The following RPIA variants were observed in gnomAD, a reference collection of about 807,000 sequenced individuals.
RPIA encodes the protein ribose-5-phosphate isomerase.
A neutral mutation model predicts 37.8 loss-of-function variants in RPIA; 29 were observed. The observed-to-expected ratio is 0.77, with a 90% CI of 0.57 to 1.05. The LOEUF (loss-of-function observed/expected upper bound fraction) is 1.05. Among genes scored for constraint, RPIA ranks in the 50% least tolerant of loss-of-function variants. RPIA has a pLI of 0.00. For missense variants in RPIA, 385 were observed against 413.6 expected (o/e 0.93, Z 0.60); for synonymous variants, 167 against 157.0 (o/e 1.06, Z -0.48).
At chr2:88,709,443 G>T (rs961975909) in intron 3 of RPIA, among the ~76,000 whole-genome samples, 5 of 152,160 alleles carry the variant, frequency 3.3e-5, no homozygotes, top group African/African-American at 1.2e-4. Context: ...AGGCTGTCCT[G>T]GATTATGTTT....
At chr2:88,706,286 G>A (rs548095499) in intron 3 of RPIA, among the ~76,000 whole-genome samples, 3 of 151,932 alleles carry the variant, frequency 2.0e-5, no homozygotes, top group Non-Finnish European at 2.9e-5. Context: ...TCATAATATC[G>A]AAGACATGGA....
chr2:88,716,669 G>A (rs904860603), intron 3 of RPIA, among the ~76,000 whole-genome samples: 4 of 152,152 alleles, frequency 2.6e-5, no homozygotes, highest in African/African-American at 9.7e-5. Context: ...AAATTCACTT[G>A]TTCAGGTTAC....
chr2:88,707,694 A>G (rs946756276), intron 3 of RPIA, among the ~76,000 whole-genome samples: 1 of 152,098 alleles, frequency 6.6e-6, no homozygotes, highest in Non-Finnish European at 1.5e-5. Flanking sequence ...AAGGTCCCTG[A>G]CTCCTAGGAC....
At chr2:88,692,412 A>G (rs927046016) in intron 1 of RPIA, among the ~76,000 whole-genome samples, 3 of 152,024 alleles carry the variant, frequency 2.0e-5, no homozygotes, top group African/African-American at 7.3e-5. Flanking sequence ...AGTGCTTTGA[A>G]ATTTCAGTCG....
intron 7 of RPIA, 32 bp downstream of exon 7, chr2:88,736,708 G>A: frequency 6.3e-7 from 1 of 1,596,834 alleles, no homozygotes; most frequent in Non-Finnish European, 8.6e-7. Context: ...GGGGTGTGCT[G>A]GGTGCACTCA....
rs962676818 is a variant in RPIA, at chr2:88,734,453, A to G, written c.463-99A>G. 8 of 1,130,362 alleles carry G rather than the reference A, an allele frequency of 7.1e-6. No homozygotes were observed. The African/African-American group carries it at 1.2e-4, about 17-fold the overall frequency. The allele number at this position is 1,130,362 out of a possible 1,614,324, so 70.0% of individuals were successfully genotyped here. ...TAAATGGGAGTACTAGAATTAGCTA[A>G]CAGGGCTGCTGAGTATCTGATGAGC... is the stretch of plus-strand genomic sequence containing the variant. On this transcript the variant is annotated intron_variant, in intron 4 of 8. Coordinates refer to ENST00000283646, the MANE Select transcript of RPIA (RefSeq NM_144563.3).
chr2:88,727,526 T>C (rs1164306906), intron 3 of RPIA, among the ~76,000 whole-genome samples: 1 of 152,210 alleles, frequency 6.6e-6, no homozygotes, highest in African/African-American at 2.4e-5. Context: ...ATTAGTTATT[T>C]TCCCTGATCG....
At chr2:88,706,169 A>G (rs1227429357) in intron 3 of RPIA, among the ~76,000 whole-genome samples, 1 of 152,232 alleles carries the variant, frequency 6.6e-6, no homozygotes, top group Non-Finnish European at 1.5e-5. Context: ...ACCTAGAGCC[A>G]GAAATATCAT....
In RPIA at chr2:88,750,280, A is replaced by T; in HGVS notation, c.*202A>T. The T allele has an allele frequency of 2.2e-6, 1 of 450,630 alleles. No individual in the cohort carries two copies. The highest frequency in any genetic ancestry group is 3.5e-5 in the South Asian group (1 of 28,902). The allele number at this position is 450,630 out of a possible 1,614,324, so 27.9% of individuals were successfully genotyped here. A position where few individuals can be genotyped will look rare whatever the true frequency, so the allele number is the denominator to read the frequency against. On this transcript the variant is annotated 3_prime_UTR_variant, in exon 9 of 9. Coordinates refer to ENST00000283646, the MANE Select transcript of RPIA (RefSeq NM_144563.3). ...TCTTTTTAAAAAGAGAAATATAAAC[A>T]TATATTTTTACTATTAAAATATTCA...
rs190210602 is a variant in RPIA, at chr2:88,692,422, G to C, written c.285+439G>C. ...TTGCTAGTGCTTTGAAATTTCAGTC[G>C]AAGGAGGTTCTGGGCTTGGTGCGCG... On this transcript the variant is annotated intron_variant, in intron 1 of 8. Coordinates refer to ENST00000283646, the MANE Select transcript of RPIA (RefSeq NM_144563.3). 2.9e-3 allele frequency among the ~76,000 whole-genome samples: 444 copies of C among 152,284 alleles called. 2 individuals carry two copies. The highest frequency in any genetic ancestry group is 0.01 in the Middle Eastern group (3 of 294).
chr2:88,692,241 T>A (rs1190684612), intron 1 of RPIA, among the ~76,000 whole-genome samples: 4 of 152,226 alleles, frequency 2.6e-5, no homozygotes, highest in African/African-American at 9.7e-5. Flanking sequence ...TGGAACAGTT[T>A]GCAAAGTGGA....
chr2:88,698,348 T>C (rs1573459291), intron 1 of RPIA, 136 bp from the exon 2 acceptor site: 8 of 782,556 alleles, frequency 1.0e-5, no homozygotes, highest in Non-Finnish European at 1.6e-5. Flanking sequence ...TCCTATAAAA[T>C]AGGCACAGTA....
At chr2:88,692,391 G>A (rs548289405) in intron 1 of RPIA, among the ~76,000 whole-genome samples, 51 of 152,292 alleles carry the variant, frequency 3.3e-4, no homozygotes, top group South Asian at 1.4e-3. Context: ...CCGGCGGAGA[G>A]TTGGTTTGCT....
Position 88,691,753 on chromosome 2 carries a change from C to T in RPIA, c.55C>T (p.Pro19Ser). The change falls in exon 1 of 9, where the codon CCC (proline) becomes TCC (serine). Residue 19 changes from proline to serine, a missense_variant. By Grantham distance (74) the Pro-to-Ser change is moderately conservative. Around this residue, in one of 2 missense-constraint regions of RPIA, gnomAD observed 232 missense variants for 203.0 expected, o/e 1.14. Transcript: ENST00000283646. ...CTACGGGCGGGTCTTGGCCCCGCTGCCCGGGAGGGCCGGGGGCGCGGCCTC... is the reference window on the plus strand; with the variant it reads ...CTACGGGCGGGTCTTGGCCCCGCTGTCCGGGAGGGCCGGGGGCGCGGCCTC... ...TLYGRVLAPL[P>S]GRAGGAASGG... The T allele has an allele frequency of 6.3e-7, 1 of 1,594,972 alleles. No homozygotes were observed. The highest frequency in any genetic ancestry group is 8.5e-7 in the Non-Finnish European group (1 of 1,175,356).
rs540160445 is a variant in RPIA at position 88,750,830 on chromosome 2, T to G, written c.*752T>G. On this transcript the variant is annotated 3_prime_UTR_variant, in exon 9 of 9. Coordinates refer to ENST00000283646, the MANE Select transcript of RPIA (RefSeq NM_144563.3). Reference sequence around the variant, plus strand: ...TTAATGATTTTCTTTTTGTTATTAATATTTTTCTCTGTTCCTTTGTTATTA... The same window carrying G: ...TTAATGATTTTCTTTTTGTTATTAAGATTTTTCTCTGTTCCTTTGTTATTA... 1.1e-4 allele frequency: 43 copies of G among 398,462 alleles called. No individual in the cohort carries two copies. Among genetic ancestry groups the G allele is most frequent in the African/African-American group, 8.6e-4 (42 of 48,762 alleles). 24.7% of individuals were successfully genotyped at this position (398,462 alleles called of 1,614,324 possible). A position where few individuals can be genotyped will look rare whatever the true frequency, so the allele number is the denominator to read the frequency against.
intron 1 of RPIA, among the ~76,000 whole-genome samples, chr2:88,695,892 G>T (rs779864589): frequency 1.0e-3 from 154 of 151,942 alleles, no homozygotes; most frequent in Non-Finnish European, 1.6e-3. Flanking sequence ...AGCATTTTTA[G>T]TATATATGTA....
rs1405495266 is a variant in RPIA at position 88,719,323 on chromosome 2, C to T, written c.403-9955C>T. Among the ~76,000 whole-genome samples the T allele has an allele frequency of 3.9e-5, 6 of 152,054 alleles. No individual in the cohort carries two copies. In the East Asian group the frequency reaches 1.2e-3, roughly 29 times the overall value. ...TCATATCAGAATTATAGGAGTTTCC[C>T]ATAATTTTGGAACACATACCAATAA... On this transcript the variant is annotated intron_variant, in intron 3 of 8. Coordinates refer to ENST00000283646, the MANE Select transcript of RPIA (RefSeq NM_144563.3).
At chr2:88,715,301 C>T (rs534105455) in intron 3 of RPIA, among the ~76,000 whole-genome samples, 131 of 152,156 alleles carry the variant, frequency 8.6e-4, no homozygotes, top group Middle Eastern at 3.4e-3. Flanking sequence ...TGTTCCTCTT[C>T]GGGGGGAAGG....
chr2:88,702,971 G>A (rs947924569), intron 3 of RPIA, among the ~76,000 whole-genome samples: 1 of 152,178 alleles, frequency 6.6e-6, no homozygotes, highest in Non-Finnish European at 1.5e-5. Flanking sequence ...CCAGAACACA[G>A]GGGCTACAGG....
Sources: allele counts gnomAD v4.1 joint callset (sites outside exome capture counted in the v4.1 genomes callset), GRCh38; gene constraint gnomAD v4.1.1; regional missense constraint gnomAD v4.1.1; transcripts MANE v1.5; gene names NCBI Gene and HGNC (gene_info 2026-07-23, HGNC 2026-07-21).